Variants in CYP2C19 observed in about 807,000 individuals in gnomAD.
The protein encoded by CYP2C19 is cytochrome P450 family 2 subfamily C member 19, also known as cytochrome P450 2C19.
Under a neutral mutation model 40.9 loss-of-function variants are expected in CYP2C19, and 59 were observed. That is an observed-to-expected ratio of 1.44 (90% confidence interval 1.17 to 1.79). The LOEUF is 1.79. Ranked by LOEUF, CYP2C19 falls within the 40% of genes most tolerant of loss-of-function variation. CYP2C19 has a pLI of 0.00. For synonymous variants in CYP2C19, 253 were observed against 208.7 expected, an observed-to-expected ratio of 1.21 and a Z score of -1.83; for missense variants, 754 against 596.9, an observed-to-expected ratio of 1.26 and a Z score of -2.74.
At chr10:94,815,386 T>G (rs1848986133) in intron 5 of CYP2C19, among the ~76,000 whole-genome samples, 1 of 152,210 alleles carries the variant, frequency 6.6e-6, no homozygotes, top group Non-Finnish European at 1.5e-5. Flanking sequence ...AGGGACTTGT[T>G]AGAAAGTAAT....
intron 6 of CYP2C19, among the ~76,000 whole-genome samples, chr10:94,824,563 T>G (rs75252816): frequency 0.012 from 1,852 of 152,318 alleles, 54 homozygotes; most frequent in African/African-American, 0.043. Flanking sequence ...ACTTAATGTT[T>G]AAACGTGTTA....
chr10:94,849,577 C>A (rs1386946065), intron 7 of CYP2C19, among the ~76,000 whole-genome samples: 2 of 150,318 alleles, frequency 1.3e-5, no homozygotes, highest in Non-Finnish European at 3.0e-5. Flanking sequence ...GTGTGCTGCA[C>A]CCATTAACTC....
intron 5 of CYP2C19, among the ~76,000 whole-genome samples, chr10:94,786,704 T>C (rs1848545573): frequency 6.6e-6 from 1 of 152,074 alleles, no homozygotes; most frequent in Admixed American, 6.6e-5. Flanking sequence ...CTACCATCTA[T>C]AGTAATTCCC....
intron 5 of CYP2C19, among the ~76,000 whole-genome samples, chr10:94,808,517 C>T (rs761504489): frequency 6.6e-6 from 1 of 152,102 alleles, no homozygotes; most frequent in Non-Finnish European, 1.5e-5. Flanking sequence ...CTATCAAATA[C>T]TAGGACTTAT....
chr10:94,835,568 G>A (rs555327829), intron 6 of CYP2C19, among the ~76,000 whole-genome samples: 2 of 152,100 alleles, frequency 1.3e-5, no homozygotes, highest in East Asian at 1.9e-4. Context: ...CTGCTTGGCG[G>A]TTCCCTTCTA....
At chr10:94,780,397 G>A (rs1848464056) in intron 3 of CYP2C19, 102 bp from the exon 4 acceptor site, 2 of 1,447,390 alleles carry the variant, frequency 1.4e-6, no homozygotes, top group Non-Finnish European at 1.9e-6. Flanking sequence ...TCATAGGTAA[G>A]ATATTACTTA....
chr10:94,821,623 A>T (rs1849123203), intron 6 of CYP2C19, among the ~76,000 whole-genome samples: 1 of 152,150 alleles, frequency 6.6e-6, no homozygotes, highest in Non-Finnish European at 1.5e-5. Context: ...ATCTTTTATG[A>T]ACAACTTTAC....
At chr10:94,809,213 G>A (rs1227444107) in intron 5 of CYP2C19, among the ~76,000 whole-genome samples, 2 of 152,146 alleles carry the variant, frequency 1.3e-5, no homozygotes, top group Non-Finnish European at 2.9e-5. Context: ...TCATATGTCT[G>A]TTTTCCATTT....
chr10:94,851,543 C>T (rs965751671), intron 8 of CYP2C19, among the ~76,000 whole-genome samples: 1 of 151,884 alleles, frequency 6.6e-6, no homozygotes, highest in African/African-American at 2.4e-5. Context: ...GTTTCTTCTG[C>T]CATATCAAAA....
At chr10:94,811,490 C>T (rs1406519564) in intron 5 of CYP2C19, among the ~76,000 whole-genome samples, 2 of 151,966 alleles carry the variant, frequency 1.3e-5, no homozygotes, top group Non-Finnish European at 2.9e-5. Flanking sequence ...GTGTTAAAGC[C>T]TCCATCTATT....
At chr10:94,841,463 C>A (rs1440633394) in intron 6 of CYP2C19, among the ~76,000 whole-genome samples, 3 of 152,114 alleles carry the variant, frequency 2.0e-5, no homozygotes, top group Non-Finnish European at 4.4e-5. Context: ...CAGAAGAGTG[C>A]AGTTGCAAGA....
At chr10:94,771,733 C>A (rs919025939) in intron 1 of CYP2C19, among the ~76,000 whole-genome samples, 1 of 152,088 alleles carries the variant, frequency 6.6e-6, no homozygotes, top group Non-Finnish European at 1.5e-5. Flanking sequence ...AGTCCCTGGA[C>A]CCTGCTGATC....
chr10:94,809,963 C>T (rs1456267480), intron 5 of CYP2C19, among the ~76,000 whole-genome samples: 1 of 152,156 alleles, frequency 6.6e-6, no homozygotes, highest in Non-Finnish European at 1.5e-5. Context: ...CTCACTGCAA[C>T]TTCTGCCTTT....
intron 5 of CYP2C19, among the ~76,000 whole-genome samples, chr10:94,814,294 G>C (rs1294330108): frequency 6.6e-6 from 1 of 151,738 alleles, no homozygotes; most frequent in Non-Finnish European, 1.5e-5. Context: ...TTCCTTTTTT[G>C]AATATTTGTG....
At chr10:94,768,475 T>C (rs1423931711) in intron 1 of CYP2C19, among the ~76,000 whole-genome samples, 1 of 152,160 alleles carries the variant, frequency 6.6e-6, no homozygotes, top group Non-Finnish European at 1.5e-5. Flanking sequence ...GGGAGAAAAG[T>C]GGCAGGGTTG....
At chr10:94,770,572 G>A (rs540585355) in intron 1 of CYP2C19, among the ~76,000 whole-genome samples, 3 of 152,184 alleles carry the variant, frequency 2.0e-5, no homozygotes, top group African/African-American at 7.2e-5. Flanking sequence ...CAGGGCCCAG[G>A]GCTCACTTTT....
At position 94,833,695 on chromosome 10, in the gene CYP2C19, A is replaced by G. The variant is rs187353794; in HGVS notation, c.962-9142A>G. ...TCATCATTCTCAAGTGTTTTTAATG[A>G]ATTTTTATCATGAAGGGATGTTGAA... On this transcript the variant is annotated intron_variant, in intron 6 of 8. Coordinates refer to ENST00000371321, the MANE Select transcript of CYP2C19 (RefSeq NM_000769.4). 6.3e-4 allele frequency among the ~76,000 whole-genome samples: 96 copies of G among 152,320 alleles called. 1 individual carries two copies. Among genetic ancestry groups the G allele is most frequent in the Non-Finnish European group, 6.6e-4 (45 of 68,016 alleles).
chr10:94,806,521 T>G (rs1848838502), intron 5 of CYP2C19, among the ~76,000 whole-genome samples: 1 of 151,770 alleles, frequency 6.6e-6, no homozygotes, highest in Non-Finnish European at 1.5e-5. Context: ...TTCCCATCAG[T>G]AGGACATGAG....
chr10:94,780,681 C>T (rs1343017681), intron 4 of CYP2C19, 22 bp downstream of exon 4: 3 of 1,612,716 alleles, frequency 1.9e-6, no homozygotes, highest in Non-Finnish European at 2.5e-6. Context: ...TTTTTTGCTT[C>T]CTGAGAAACC....
Sources: gnomAD v4.1 joint callset for allele counts (sites outside exome capture counted in the v4.1 genomes callset) on GRCh38, gnomAD v4.1.1 for gene constraint, MANE v1.5 for transcripts, NCBI Gene and HGNC (gene_info 2026-07-23, HGNC 2026-07-21) for gene names.